Variants in DUS3L observed in about 807,000 individuals in gnomAD.
DUS3L encodes dihydrouridine synthase 3 like.
Under a neutral mutation model 74.6 loss-of-function variants are expected in DUS3L, and 62 were observed. The observed-to-expected ratio is 0.83, with a 90% CI of 0.68 to 1.03. DUS3L has a LOEUF of 1.03. DUS3L is among the 50% of genes least tolerant of loss of function. The pLI, the probability that DUS3L is intolerant of heterozygous loss-of-function variation, is 0.00. For synonymous variants in DUS3L, 433 were observed against 395.7 expected (o/e 1.09, Z -1.12); for missense variants, 884 against 924.4 (o/e 0.96, Z 0.57).
At chr19:5,790,853 G>C (rs1352048426) in intron 1 of DUS3L, 191 bp downstream of exon 1, 2 of 621,214 alleles carry the variant, frequency 3.2e-6, no homozygotes, top group East Asian at 2.8e-5. Context: ...CTTCGCGCAT[G>C]TGACAGGCCC....
chr19:5,790,742 A>G (rs74326663), intron 1 of DUS3L: 1 of 561,372 alleles, frequency 1.8e-6, no homozygotes, highest in Non-Finnish European at 3.2e-6. Flanking sequence ...GGCCGCTGGC[A>G]GAGCACATGC....
intron 1 of DUS3L, 129 bp from the exon 2 acceptor site, chr19:5,790,464 A>G (rs948061547): frequency 8.6e-7 from 1 of 1,168,236 alleles, no homozygotes; most frequent in East Asian, 2.5e-5. Context: ...AGAACCAGCC[A>G]GCTCCCAGCC....
chr19:5,787,820 TC>T, intron 5 of DUS3L, 115 bp from the exon 6 acceptor site: 1 of 1,444,866 alleles, frequency 6.9e-7, no homozygotes, highest in Non-Finnish European at 9.5e-7. Context: ...TCTCGGGGCC[TC>T]CCCGGAAGGA....
chr19:5,786,516 C>T lies in DUS3L; in HGVS notation c.1513G>A (p.Asp505Asn), dbSNP rs879775130. The T allele has an allele frequency of 6.2e-7, 1 of 1,613,148 alleles. No homozygotes were observed. The highest frequency in any genetic ancestry group is 1.1e-5 in the South Asian group (1 of 91,056). The change falls in exon 10 of 13, where the codon GAT (aspartate) becomes AAT (asparagine). Residue 505 changes from aspartate (D) to asparagine (N), a missense_variant. Transcript: ENST00000309061. ...CCAGTCTGCATGGCGCGGTTGGCATCCTCAAATGACAAGATGTCCCCATTT... is the reference window on the plus strand; with the variant it reads ...CCAGTCTGCATGGCGCGGTTGGCATTCTCAAATGACAAGATGTCCCCATTT... ...FGNGDILSFE[D>N]ANRAMQTGVT...
Position 5,790,332 on chromosome 19 carries a change from GT to G in DUS3L, c.101del (p.Tyr34SerfsTer26). 1.2e-6 allele frequency: 2 copies of G among 1,613,944 alleles called. No homozygotes were observed. The highest frequency in any genetic ancestry group is 1.7e-6 in the Non-Finnish European group (2 of 1,179,916). ...GGTGAAACTGCTCCTTGGTGGTGAG[GT>G]ATCTGCCGACAGAAAGGGAAAGGAA... Reference protein sequence around the residue: ...ERGVAPIKRQYLTTKEQFHQF... With the variant: ...ERGVAPIKRQXLTTKEQFHQF... On this transcript the variant is annotated frameshift_variant and splice_region_variant, in exon 2 of 13. Transcript: ENST00000309061. LOFTEE classifies it high-confidence loss of function.
intron 1 of DUS3L, 37 bp from the exon 2 acceptor site, chr19:5,790,372 TAGTC>T (rs2056898226): frequency 5.0e-6 from 8 of 1,611,900 alleles, no homozygotes; most frequent in Non-Finnish European, 6.8e-6. Flanking sequence ...CCTCCGAACA[TAGTC>T]AATAAACACT....
intron 1 of DUS3L, 137 bp downstream of exon 1, chr19:5,790,907 C>T (rs569216325): frequency 3.5e-6 from 3 of 845,108 alleles, no homozygotes; most frequent in Admixed American, 2.5e-5. Context: ...ACCCTGCAGG[C>T]GGAAGAACGG....
In DUS3L at chr19:5,788,143, G is replaced by A. The variant is rs748061036; in HGVS notation, c.976C>T (p.Arg326Cys). The A allele has an allele frequency of 9.9e-6, 16 of 1,613,464 alleles. No individual in the cohort carries two copies. The African/African-American group carries it at 1.2e-4, about 12-fold the overall frequency. Residue 326 changes from arginine (R) to cysteine (C), a missense_variant, in exon 5 of 13, where the codon CGC becomes TGC. Physicochemically the swap from Arg to Cys is radical, Grantham distance 180. Transcript: ENST00000309061. ...CCACATGTCACATCCGCCCCGAAGC[G>A]CTTGCAGATCCGTCGGAAGGGCAGG... is the stretch of plus-strand genomic sequence containing the variant. Reference protein sequence around the residue: ...GNLPFRRICKRFGADVTCGEM... With the variant: ...GNLPFRRICKCFGADVTCGEM...
chr19:5,788,241 A>G, intron 4 of DUS3L, 65 bp from the exon 5 acceptor site: 4 of 1,608,036 alleles, frequency 2.5e-6, no homozygotes, highest in Non-Finnish European at 3.4e-6. Flanking sequence ...ACACAGCAGA[A>G]CCCTGAATAT....
intron 10 of DUS3L, 26 bp from the exon 11 acceptor site, chr19:5,785,817 G>T: frequency 1.3e-6 from 2 of 1,546,066 alleles, no homozygotes; most frequent in Non-Finnish European, 1.7e-6. Flanking sequence ...CGATCAGTGG[G>T]CCCAGCCACC....
At position 5,786,836 on chromosome 19, in the gene DUS3L, G is replaced by T; in HGVS notation, c.1399C>A (p.Arg467Ser). 6.2e-7 allele frequency: 1 copy of T among 1,609,232 alleles called. No individual in the cohort carries two copies. The part of the protein sequence containing the change: ...WGVALVTLHG[R>S]SREQRYTKLA... ...TTGGTGTAGCGCTGCTCCCGAGAGC[G>T]GCCGTGGAGCTGGGGGAGAAGCCGC... The change falls in exon 9 of 13, where the codon CGC (arginine) becomes AGC (serine). Residue 467 changes from arginine to serine, a missense_variant. Arg to Ser is a moderately radical substitution (Grantham distance 110, BLOSUM62 -1). Coordinates refer to ENST00000309061, the MANE Select transcript of DUS3L (RefSeq NM_020175.3).
chr19:5,785,652 C>T lies in DUS3L; in HGVS notation c.1702G>A (p.Val568Met), dbSNP rs141670860. ...LEHWGSDTQG[V>M]EKTRRFLLEW... is the part of the protein sequence containing the mutation. ...AGCAGAAAGCGCCGGGTCTTCTCCA[C>T]GCCCTGCGTGTCCGAGCCCCAGTGC... The change falls in exon 11 of 13, where the codon GTG becomes ATG. Residue 568 changes from valine to methionine, a missense_variant. Physicochemically the swap from Val to Met is conservative, Grantham distance 21. Transcript: ENST00000309061. The T allele has an allele frequency of 6.4e-5, 103 of 1,612,212 alleles. No homozygotes were observed. Among genetic ancestry groups the T allele is most frequent in the Middle Eastern group, 1.7e-4 (1 of 6,010 alleles).
chr19:5,786,717 G>A, intron 9 of DUS3L, 32 bp downstream of exon 9: 1 of 1,604,882 alleles, frequency 6.2e-7, no homozygotes, highest in Non-Finnish European at 8.5e-7. Flanking sequence ...AGGGTGGTAG[G>A]GGAGAGGGAG....
At position 5,785,524 on chromosome 19, in the gene DUS3L, G is replaced by A. The variant is rs780520898; in HGVS notation, c.1752-13C>T. On this transcript the variant is annotated splice_polypyrimidine_tract_variant and intron_variant, in intron 11 of 12. Coordinates refer to ENST00000309061, the MANE Select transcript of DUS3L (RefSeq NM_020175.3). ...CACGGGCACGTACCTGCGGCGGGTG[G>A]GCGGGCAGGACAGGCTTGAGTCAGC... The A allele has an allele frequency of 7.8e-6, 12 of 1,531,028 alleles. No individual in the cohort carries two copies. In the East Asian group the frequency reaches 2.8e-4, roughly 35 times the overall value. The allele number at this position is 1,531,028 out of a possible 1,614,324, so 94.8% of individuals were successfully genotyped here.
Position 5,788,381 on chromosome 19 carries a change from T to C in DUS3L, c.918A>G (p.Lys306=). The part of the protein sequence containing the change: ...CEKKRLDIRG[K]LYLAPLTTCG... ...CCGTGGTGAGGGGGGCCAGGTAAAGTTTGCCACGGATGTCCAGCTGGAGGG... is the reference window on the plus strand; with the variant it reads ...CCGTGGTGAGGGGGGCCAGGTAAAGCTTGCCACGGATGTCCAGCTGGAGGG... The change falls in exon 4 of 13, where the codon AAA becomes AAG. Residue 306 remains lysine (K), a synonymous_variant. Coordinates refer to ENST00000309061, the MANE Select transcript of DUS3L (RefSeq NM_020175.3). 6.2e-7 allele frequency: 1 copy of C among 1,613,558 alleles called. No individual in the cohort carries two copies. Among genetic ancestry groups the C allele is most frequent in the Non-Finnish European group, 8.5e-7 (1 of 1,179,952 alleles).
At chr19:5,785,822 G>A (rs1413946874) in intron 10 of DUS3L, 31 bp from the exon 11 acceptor site, 3 of 1,540,134 alleles carry the variant, frequency 1.9e-6, no homozygotes, top group Non-Finnish European at 2.6e-6. Flanking sequence ...AGTGGGCCCA[G>A]CCACCAGCCT....
In DUS3L at chr19:5,785,591, C is replaced by A. The variant is rs2056833702; in HGVS notation, c.1751+12G>T. ...CCACGCGCCGCCCACCCCAGCCAGC[C>A]CCGGTGCCCACCGGCACAGGAAGGA... On this transcript the variant is annotated intron_variant, in intron 11 of 12. Coordinates refer to ENST00000309061, the MANE Select transcript of DUS3L (RefSeq NM_020175.3). 1.9e-6 allele frequency: 3 copies of A among 1,596,312 alleles called. No individual in the cohort carries two copies. The highest frequency in any genetic ancestry group is 2.6e-6 in the Non-Finnish European group (3 of 1,170,450).
rs749473905 is a variant in DUS3L at position 5,787,995 on chromosome 19, A to G, written c.1095+29T>C. 3 of 1,607,970 alleles carry G rather than the reference A, an allele frequency of 1.9e-6. No homozygotes were observed. The African/African-American group carries it at 4.0e-5, about 22-fold the overall frequency. ...AGACAGGACGGCCGAGGGCCCCTCC[A>G]CTCTCCCTCCCTCGGGGTGGGCACT... On this transcript the variant is annotated intron_variant, in intron 5 of 12. Coordinates refer to ENST00000309061, the MANE Select transcript of DUS3L (RefSeq NM_020175.3).
rs765480428 is a variant in DUS3L at position 5,788,316 on chromosome 19, G to A, written c.942+41C>T. 2.5e-6 allele frequency: 4 copies of A among 1,612,974 alleles called. No individual in the cohort carries two copies. In the Admixed American group the frequency reaches 6.7e-5, roughly 27 times the overall value. ...TAAGCCCTGTTGGAATGACCACACT[G>A]CCACCCTGCCACCCGACCAGCCACC... is the stretch of plus-strand genomic sequence containing the variant. On this transcript the variant is annotated intron_variant, in intron 4 of 12. Transcript: ENST00000309061.
Sources: allele counts gnomAD v4.1 joint callset, GRCh38; gene constraint gnomAD v4.1.1; transcripts MANE v1.5; gene names NCBI Gene and HGNC (gene_info 2026-07-23, HGNC 2026-07-21).